RNF115: variants seen among roughly 807,000 people sequenced by gnomAD.
RNF115 encodes ring finger protein 115.
In RNF115, 31 loss-of-function variants were observed where a neutral mutation model predicts 39.2. The ratio of observed to expected loss-of-function variants is 0.79; its 90% CI spans 0.59 to 1.07. RNF115 has a LOEUF of 1.07. RNF115 is among the 50% of genes least tolerant of loss of function. The probability of loss-of-function intolerance (pLI) is 0.00; values close to 1 mark genes in which losing one functional copy is unlikely to be tolerated. For synonymous variants in RNF115, 124 were observed against 131.0 expected, an observed-to-expected ratio of 0.95 and a Z score of 0.37; for missense variants, 384 against 381.7, an observed-to-expected ratio of 1.01 and a Z score of -0.05.
chr1:145,819,368 G>A (rs1392211938), intron 1 of RNF115, among the ~76,000 whole-genome samples: 2 of 150,664 alleles, frequency 1.3e-5, no homozygotes, highest in African/African-American at 2.4e-5. Context: ...AGGATCACCT[G>A]AGTCTGGGAA....
At chr1:145,772,307 A>G (rs1003819435) in intron 3 of RNF115, 2 of 173,528 alleles carry the variant, frequency 1.2e-5, no homozygotes, top group Non-Finnish European at 2.5e-5. Context: ...AAAAATTACG[A>G]ATGTTTAATT....
chr1:145,772,201 A>G (rs2101532955), intron 3 of RNF115: 1 of 256,852 alleles, frequency 3.9e-6, no homozygotes, highest in African/African-American at 2.2e-5. Flanking sequence ...CCTGGCAAGC[A>G]CTTGATGTCA....
rs587700163 is a variant in RNF115 at position 145,753,615 on chromosome 1, G to A, written c.429-566C>T. Among the ~76,000 whole-genome samples, 5 of 152,290 alleles carry A rather than the reference G, an allele frequency of 3.3e-5. No individual in the cohort carries two copies. The East Asian group carries it at 7.7e-4, about 23-fold the overall frequency. On this transcript the variant is annotated intron_variant, in intron 4 of 8. Transcript: ENST00000582693. ...GGCACAGGTACACAGTTCTTTACAC[G>A]AATGAGTCTTTGTTACCCAAAGAGA...
At chr1:145,758,979 G>A (rs1175056554) in intron 4 of RNF115, among the ~76,000 whole-genome samples, 11 of 152,200 alleles carry the variant, frequency 7.2e-5, no homozygotes, top group African/African-American at 2.7e-4. Flanking sequence ...TTTAATTTTA[G>A]AAACTCACAG....
chr1:145,760,758 A>T (rs1033916493), intron 4 of RNF115, among the ~76,000 whole-genome samples: 2 of 152,184 alleles, frequency 1.3e-5, no homozygotes, highest in Admixed American at 6.5e-5. Context: ...GGAGTGGGGC[A>T]TTGCTGAAGA....
At chr1:145,783,869 A>T (rs587620465) in intron 3 of RNF115, among the ~76,000 whole-genome samples, 1 of 152,264 alleles carries the variant, frequency 6.6e-6, no homozygotes, top group East Asian at 1.9e-4. Flanking sequence ...CTTTAGGTCA[A>T]TGGACGAAGT....
rs1648512134 is a variant in RNF115, at chr1:145,788,915, C to A, written c.154G>T (p.Asp52Tyr). 5 of 1,594,530 alleles carry A rather than the reference C, an allele frequency of 3.1e-6. No homozygotes were observed. The East Asian group carries it at 1.1e-4, about 36-fold the overall frequency. The change falls in exon 2 of 9, where the codon GAT (aspartate) becomes TAT (tyrosine). Residue 52 changes from aspartate (D) to tyrosine (Y), a missense_variant. Coordinates refer to ENST00000582693, the MANE Select transcript of RNF115 (RefSeq NM_014455.4). ...ESGFIEEVTDDSSFLGGGGSR... is the reference protein window; with the variant it reads ...ESGFIEEVTDYSSFLGGGGSR... ...CATGAGCTTGTACAATACCTGGAAT[C>A]ATCTGTCACTTCTTCAATAAAGCCT...
chr1:145,766,282 C>T (rs1258808619), intron 4 of RNF115, among the ~76,000 whole-genome samples: 2 of 152,136 alleles, frequency 1.3e-5, no homozygotes, highest in African/African-American at 2.4e-5. Flanking sequence ...GTGGACACAG[C>T]ACATGTTTCA....
rs1337943553 is a variant in RNF115, at chr1:145,780,403, G to A, written c.219+4136C>T. Among the ~76,000 whole-genome samples the A allele has an allele frequency of 2.6e-5, 4 of 152,054 alleles. No homozygotes were observed. The East Asian group carries it at 5.8e-4, about 22-fold the overall frequency. On this transcript the variant is annotated intron_variant, in intron 3 of 8. Coordinates refer to ENST00000582693, the MANE Select transcript of RNF115 (RefSeq NM_014455.4). ...TGGGAGACCAAGGCGGGCAGATCAC[G>A]AGGTCAGGAGATCGAGACCATCCTG...
chr1:145,778,934 G>C (rs1647999127), intron 3 of RNF115, among the ~76,000 whole-genome samples: 1 of 152,126 alleles, frequency 6.6e-6, no homozygotes, highest in Non-Finnish European at 1.5e-5. Flanking sequence ...TCTCAGGTAG[G>C]TCATCCTGTA....
chr1:145,794,356 C>T (rs373173651), intron 1 of RNF115, among the ~76,000 whole-genome samples: 4 of 152,006 alleles, frequency 2.6e-5, no homozygotes, highest in African/African-American at 9.7e-5. Flanking sequence ...CATTGTCACC[C>T]CTCCCCTCCT....
chr1:145,793,442 T>A (rs146225168), intron 1 of RNF115, among the ~76,000 whole-genome samples: 2 of 152,126 alleles, frequency 1.3e-5, no homozygotes, highest in African/African-American at 4.8e-5. Flanking sequence ...AAAAACAGAG[T>A]CAATAGAAAA....
intron 2 of RNF115, among the ~76,000 whole-genome samples, chr1:145,787,706 G>C (rs1182874377): frequency 3.3e-5 from 5 of 151,990 alleles, no homozygotes; most frequent in African/African-American, 1.2e-4. Flanking sequence ...GGCCAACACG[G>C]CAAAACCCCA....
At chr1:145,782,523 TTACAAGC>T (rs1648196614) in intron 3 of RNF115, among the ~76,000 whole-genome samples, 4 of 152,150 alleles carry the variant, frequency 2.6e-5, no homozygotes, top group Non-Finnish European at 2.9e-5. Flanking sequence ...GAACACGAAG[TTACAAGC>T]TATGAATCAG....
chr1:145,739,099 A>C lies in RNF115; in HGVS notation c.*7767T>G, dbSNP rs41299581. On this transcript the variant is annotated 3_prime_UTR_variant, in exon 9 of 9. Transcript: ENST00000582693. ...GACTACAACTGCCCAGCTTCATCTA[A>C]ATACTTGTTAACCTCTTTGGTCATT... is the stretch of plus-strand genomic sequence containing the variant. 6.5e-3 allele frequency: 990 copies of C among 152,598 alleles called. No homozygotes were observed. Among genetic ancestry groups the C allele is most frequent in the Non-Finnish European group, 9.1e-3 (619 of 68,090 alleles). The allele number at this position is 152,598 out of a possible 1,614,324, so 9.5% of individuals were successfully genotyped here.
chr1:145,747,058 A>G (rs1248494946), intron 8 of RNF115, 61 bp from the exon 9 acceptor site: 3 of 1,510,232 alleles, frequency 2.0e-6, no homozygotes, highest in Non-Finnish European at 2.7e-6. Context: ...GGAGTATTGT[A>G]CACTTAAATA....
rs1553711820 is a variant in RNF115 at position 145,746,939 on chromosome 1, C to G, written c.842G>C (p.Ser281Thr). Residue 281 changes from serine to threonine, a missense_variant, in exon 9 of 9, where the codon AGC becomes ACC. Transcript: ENST00000582693. ...SLNGEDSTRQ[S>T]QSTEASASNR... Reference sequence around the variant, plus strand: ...GCTTGCAGAGGCCTCAGTGCTCTGGCTTTGCCGAGTAGAGTCCTCACCATT... The same window carrying G: ...GCTTGCAGAGGCCTCAGTGCTCTGGGTTTGCCGAGTAGAGTCCTCACCATT... 2 of 1,613,960 alleles carry G rather than the reference C, an allele frequency of 1.2e-6. No individual in the cohort carries two copies. The highest frequency in any genetic ancestry group is 2.7e-5 in the African/African-American group (2 of 74,920).
chr1:145,775,099 T>C (rs587625060), intron 3 of RNF115, among the ~76,000 whole-genome samples: 2 of 152,164 alleles, frequency 1.3e-5, no homozygotes, highest in South Asian at 4.1e-4. Flanking sequence ...ATTTAAACAT[T>C]AGCTAAGTGT....
chr1:145,755,281 T>C (rs1320843704), intron 4 of RNF115, among the ~76,000 whole-genome samples: 1 of 151,682 alleles, frequency 6.6e-6, no homozygotes, highest in Non-Finnish European at 1.5e-5. Context: ...TTTCTCCTTG[T>C]ACTTCTGTCG....
Sources: gnomAD v4.1 joint callset for allele counts (sites outside exome capture counted in the v4.1 genomes callset) on GRCh38, gnomAD v4.1.1 for gene constraint, MANE v1.5 for transcripts, NCBI Gene and HGNC (gene_info 2026-07-23, HGNC 2026-07-21) for gene names.